The following FYB1 variants were observed in gnomAD, a reference collection of about 807,000 sequenced individuals.
FYB1 encodes the protein FYN binding protein 1.
In FYB1, 41 loss-of-function variants were observed where a neutral mutation model predicts 94.1. The observed-to-expected ratio is 0.44, with a 90% CI of 0.34 to 0.57. The LOEUF (loss-of-function observed/expected upper bound fraction) is 0.57, where lower values mean the gene tolerates loss of function less well. FYB1 is among the 20% of genes least tolerant of loss of function. The pLI, the probability that FYB1 is intolerant of heterozygous loss-of-function variation, is 0.02. For missense variants in FYB1, 1,050 were observed against 976.8 expected (o/e 1.07, Z -1.00); for synonymous variants, 367 against 353.2 (o/e 1.04, Z -0.44).
Position 39,186,638 on chromosome 5 carries a change from CTTTTTTTT to C in FYB1, c.1135+15180_1135+15187del, listed in dbSNP as rs56144868. On this transcript the variant is annotated intron_variant, in intron 2 of 18. Coordinates refer to ENST00000512982, the MANE Select transcript of FYB1 (RefSeq NM_001465.6). ...ATTTAACACCTGCAACAATTGGATG[CTTTTTTTT>C]TTTTTTTTTTTTTTTTTTACTATTA... Among the ~76,000 whole-genome samples, 17 of 76,370 alleles carry C rather than the reference CTTTTTTTT, an allele frequency of 2.2e-4. No individual in the cohort carries two copies. The East Asian group carries it at 3.8e-3, about 17-fold the overall frequency. 50.1% of individuals were successfully genotyped at this position (76,370 alleles called of 152,430 possible).
rs1186202428 is a variant in FYB1, at chr5:39,130,584, G to T, written c.1840+6C>A. 2 of 1,571,546 alleles carry T rather than the reference G, an allele frequency of 1.3e-6. No individual in the cohort carries two copies. The highest frequency in any genetic ancestry group is 1.8e-5 in the Admixed American group (1 of 54,492). On this transcript the variant is annotated splice_donor_region_variant and intron_variant, in intron 10 of 18. Coordinates refer to ENST00000512982, the MANE Select transcript of FYB1 (RefSeq NM_001465.6). ...AAAATGTCATTTTAAGAAGCGTGTG[G>T]CTTACCTCCACTTCCACTCTGACTG...
chr5:39,192,246 C>A (rs948477249), intron 2 of FYB1, among the ~76,000 whole-genome samples: 1 of 152,174 alleles, frequency 6.6e-6, no homozygotes, highest in Non-Finnish European at 1.5e-5. Context: ...TTATTATACT[C>A]ATATGTATTT....
At chr5:39,176,212 G>T (rs1225210849) in intron 2 of FYB1, among the ~76,000 whole-genome samples, 1 of 134,636 alleles carries the variant, frequency 7.4e-6, no homozygotes, top group Non-Finnish European at 1.5e-5. Context: ...GTGCAATGGC[G>T]CGATCTTGGC....
chr5:39,209,091 T>A (rs775253551), intron 1 of FYB1: 6 of 152,066 alleles, frequency 3.9e-5, no homozygotes, highest in Non-Finnish European at 7.4e-5. Flanking sequence ...AGAGACTTGA[T>A]CTGTTGTACC....
intron 2 of FYB1, among the ~76,000 whole-genome samples, chr5:39,191,689 T>A (rs1747376732): frequency 6.6e-6 from 1 of 152,232 alleles, no homozygotes; most frequent in Non-Finnish European, 1.5e-5. Context: ...TGTCTCCAAC[T>A]TTTTAACTCT....
At chr5:39,242,145 T>G (rs1197773364) in intron 1 of FYB1, among the ~76,000 whole-genome samples, 5 of 152,180 alleles carry the variant, frequency 3.3e-5, no homozygotes, top group Admixed American at 1.3e-4. Context: ...AATTTTCTTT[T>G]TTTTATTATT....
intron 10 of FYB1, among the ~76,000 whole-genome samples, chr5:39,130,059 T>C (rs1391612137): frequency 1.3e-5 from 2 of 150,610 alleles, no homozygotes; most frequent in Non-Finnish European, 3.0e-5. Flanking sequence ...CGCAATGAAA[T>C]ACTATTTGGT....
intron 14 of FYB1, among the ~76,000 whole-genome samples, chr5:39,121,486 T>C (rs975434735): frequency 6.6e-6 from 1 of 152,172 alleles, no homozygotes; most frequent in African/African-American, 2.4e-5. Context: ...TCATGCATTT[T>C]TACCAGTACA....
At chr5:39,256,903 A>G (rs1039464383) in intron 1 of FYB1, among the ~76,000 whole-genome samples, 1 of 152,240 alleles carries the variant, frequency 6.6e-6, no homozygotes, top group Middle Eastern at 3.2e-3. Context: ...TGCAATGAGT[A>G]AAAGTGATGG....
At chr5:39,153,631 G>C in intron 2 of FYB1, 27 bp from the exon 3 acceptor site, 2 of 1,561,680 alleles carry the variant, frequency 1.3e-6, no homozygotes, top group Non-Finnish European at 1.7e-6. Flanking sequence ...ACAATACCAT[G>C]AATTAAGACA....
chr5:39,246,593 C>T (rs926096215), intron 1 of FYB1, among the ~76,000 whole-genome samples: 1 of 152,152 alleles, frequency 6.6e-6, no homozygotes, highest in Non-Finnish European at 1.5e-5. Flanking sequence ...AGGGTTCCCT[C>T]TCTTATGTCT....
chr5:39,133,585 A>G (rs1418385086), intron 9 of FYB1, among the ~76,000 whole-genome samples: 1 of 152,092 alleles, frequency 6.6e-6, no homozygotes, highest in African/African-American at 2.4e-5. Context: ...GGGATGGCCA[A>G]TCTCCTCTCA....
chr5:39,161,018 C>T (rs1222486488), intron 2 of FYB1, among the ~76,000 whole-genome samples: 2 of 152,216 alleles, frequency 1.3e-5, no homozygotes, highest in African/African-American at 2.4e-5. Context: ...TGTGGTGTGG[C>T]TGTCCTGTGA....
chr5:39,192,807 A>T (rs1438510548), intron 2 of FYB1, among the ~76,000 whole-genome samples: 1 of 152,240 alleles, frequency 6.6e-6, no homozygotes, highest in Non-Finnish European at 1.5e-5. Flanking sequence ...TTGAAGGTCA[A>T]ATTGAGTGTG....
At chr5:39,194,547 AAAGGAAGG>A (rs1179408344) in intron 2 of FYB1, among the ~76,000 whole-genome samples, 1 of 151,932 alleles carries the variant, frequency 6.6e-6, no homozygotes, top group East Asian at 1.9e-4. Flanking sequence ...AAAGACAGAA[AAAGGAAGG>A]AAGGAAGGAA....
chr5:39,153,046 A>G (rs1310742000), intron 3 of FYB1, among the ~76,000 whole-genome samples: 1 of 152,186 alleles, frequency 6.6e-6, no homozygotes, highest in Non-Finnish European at 1.5e-5. Context: ...GATATATGTA[A>G]AAGTCCTAGC....
At chr5:39,201,024 A>T (rs1453006785) in intron 2 of FYB1, among the ~76,000 whole-genome samples, 1 of 152,216 alleles carries the variant, frequency 6.6e-6, no homozygotes, top group African/African-American at 2.4e-5. Flanking sequence ...AAAGGAGAGT[A>T]AAGTACTCCT....
intron 2 of FYB1, among the ~76,000 whole-genome samples, chr5:39,197,034 T>G (rs935102454): frequency 6.6e-6 from 1 of 152,160 alleles, no homozygotes; most frequent in Non-Finnish European, 1.5e-5. Flanking sequence ...GGGAAGAGGT[T>G]TAAAGAATTG....
At chr5:39,252,426 A>G (rs1052927032) in intron 1 of FYB1, among the ~76,000 whole-genome samples, 1 of 152,198 alleles carries the variant, frequency 6.6e-6, no homozygotes, top group Non-Finnish European at 1.5e-5. Context: ...TGGCTGTGGA[A>G]TTTTTTAAAA....
Sources: allele counts gnomAD v4.1 joint callset (sites outside exome capture counted in the v4.1 genomes callset), GRCh38; gene constraint gnomAD v4.1.1; transcripts MANE v1.5; gene names NCBI Gene and HGNC (gene_info 2026-07-23, HGNC 2026-07-21).